The following SPAG6 variants were observed in gnomAD, a reference collection of about 807,000 sequenced individuals.
SPAG6 encodes the protein sperm associated antigen 6, also known as sperm-associated antigen 6.
In SPAG6, 49 loss-of-function variants were observed where a neutral mutation model predicts 58.5. The ratio of observed to expected loss-of-function variants is 0.84; its 90% confidence interval spans 0.67 to 1.06. The LOEUF is 1.06. Among genes scored for constraint, SPAG6 ranks in the 50% least tolerant of loss-of-function variants. The pLI, the probability that SPAG6 is intolerant of heterozygous loss-of-function variation, is 0.00. For missense variants in SPAG6, 560 were observed against 611.3 expected (o/e 0.92, Z 0.89); for synonymous variants, 233 against 225.6 (o/e 1.03, Z -0.29).
chr10:22,395,352 A>G (rs1016838159), intron 8 of SPAG6, among the ~76,000 whole-genome samples: 1 of 152,180 alleles, frequency 6.6e-6, no homozygotes, highest in Non-Finnish European at 1.5e-5. Context: ...CCAGCAAGGT[A>G]TGATGGTTCC....
At chr10:22,359,874 CGTT>C (rs1836986291) in intron 2 of SPAG6, among the ~76,000 whole-genome samples, 1 of 151,902 alleles carries the variant, frequency 6.6e-6, no homozygotes, top group African/African-American at 2.4e-5. Flanking sequence ...CATAGGTAAA[CGTT>C]GTTGGGGGGG....
rs141733555 is a variant in SPAG6 at position 22,391,580 on chromosome 10, G to A, written c.1006-149G>A. The A allele has an allele frequency of 2.6e-4, 158 of 609,286 alleles. No individual in the cohort carries two copies. In the African/African-American group the frequency reaches 2.7e-3, roughly 10 times the overall value. 37.7% of individuals were successfully genotyped at this position (609,286 alleles called of 1,614,324 possible). The stretch of plus-strand genomic sequence containing the variant: ...TAGTCATGTTATTGACTTAAGAAAT[G>A]ACAGCCCCTGTGATGTGCTCATTTA... On this transcript the variant is annotated intron_variant, in intron 7 of 10. Coordinates refer to ENST00000376624, the MANE Select transcript of SPAG6 (RefSeq NM_012443.4).
At chr10:22,346,658 C>T (rs1428804833) in intron 2 of SPAG6, among the ~76,000 whole-genome samples, 1 of 151,842 alleles carries the variant, frequency 6.6e-6, no homozygotes, top group South Asian at 2.1e-4. Context: ...TTAAAACTAA[C>T]ACATAATTTA....
chr10:22,365,055 G>A, intron 3 of SPAG6, 36 bp downstream of exon 3: 1 of 1,484,882 alleles, frequency 6.7e-7, no homozygotes, highest in Non-Finnish European at 9.1e-7. Context: ...ATGTTTTTTT[G>A]TTTTAGATTT....
At chr10:22,381,004 A>G (rs1833940976) in intron 4 of SPAG6, among the ~76,000 whole-genome samples, 1 of 152,040 alleles carries the variant, frequency 6.6e-6, no homozygotes, top group South Asian at 2.1e-4. Flanking sequence ...CATCTCCACT[A>G]TGAGCTGAAA....
At position 22,368,593 on chromosome 10, in the gene SPAG6, G is replaced by A. The variant is rs761679699; in HGVS notation, c.387G>A (p.Thr129=). 9.3e-6 allele frequency: 15 copies of A among 1,613,794 alleles called. No homozygotes were observed. In the South Asian group the frequency reaches 1.3e-4, roughly 14 times the overall value. ...TAGTCGATTGTGGAGCACTGGATAC[G>A]CTGGTCATATGCTTGGAAGATTTTG... The part of the protein sequence containing the change: ...QAIVDCGALD[T]LVICLEDFDP... The change falls in exon 4 of 11, where the codon ACG becomes ACA. Residue 129 remains threonine, a synonymous_variant. Coordinates refer to ENST00000376624, the MANE Select transcript of SPAG6 (RefSeq NM_012443.4).
intron 2 of SPAG6, among the ~76,000 whole-genome samples, chr10:22,357,449 G>C (rs1275855370): frequency 6.6e-6 from 1 of 152,014 alleles, no homozygotes; most frequent in Non-Finnish European, 1.5e-5. Flanking sequence ...GGCAAAAAAA[G>C]CCTCTAACTA....
chr10:22,378,934 A>C (rs527688873), intron 4 of SPAG6, among the ~76,000 whole-genome samples: 2 of 152,236 alleles, frequency 1.3e-5, no homozygotes, highest in East Asian at 3.9e-4. Context: ...TGACTTTTTA[A>C]AGGAGCCAGA....
At position 22,388,079 on chromosome 10, in the gene SPAG6, A is replaced by G. The variant is rs1834109062; in HGVS notation, c.852+83A>G. 3 of 1,126,892 alleles carry G rather than the reference A, an allele frequency of 2.7e-6. No individual in the cohort carries two copies. In the South Asian group the frequency reaches 4.9e-5, roughly 18 times the overall value. 69.8% of individuals were successfully genotyped at this position (1,126,892 alleles called of 1,614,324 possible). A position where few individuals can be genotyped will look rare whatever the true frequency, so the allele number is the denominator to read the frequency against. On this transcript the variant is annotated intron_variant, in intron 6 of 10. Transcript: ENST00000376624. ...AAACATCAATTTGTTTATAGGGCCT[A>G]GGGGTTGTGGCACATGATCTAGTTG...
chr10:22,417,046 A>G lies in SPAG6; in HGVS notation c.*358A>G. The G allele has an allele frequency of 5.7e-6, 1 of 176,142 alleles. No individual in the cohort carries two copies. The highest frequency in any genetic ancestry group is 1.2e-5 in the Non-Finnish European group (1 of 81,658). 10.9% of individuals were successfully genotyped at this position (176,142 alleles called of 1,614,324 possible). On this transcript the variant is annotated 3_prime_UTR_variant, in exon 11 of 11. Coordinates refer to ENST00000376624, the MANE Select transcript of SPAG6 (RefSeq NM_012443.4). ...CAAAAACCCTAAATTATTCTAGCCA[A>G]TTTGTCATAGGCATAGGCAAGGAAA...
chr10:22,360,324 T>G (rs994931571), intron 2 of SPAG6, among the ~76,000 whole-genome samples: 24 of 151,756 alleles, frequency 1.6e-4, no homozygotes, highest in Non-Finnish European at 2.4e-4. Context: ...TTGTTTGTTT[T>G]TTTTTTTCAT....
At chr10:22,412,673 G>A in intron 10 of SPAG6, 1 of 498,050 alleles carries the variant, frequency 2.0e-6, no homozygotes, top group Non-Finnish European at 3.5e-6. Context: ...CCGGGTTCAA[G>A]CTATTCTCCT....
Position 22,368,496 on chromosome 10 carries a change from G to T in SPAG6, c.290G>T (p.Arg97Leu), listed in dbSNP as rs751414200. The T allele has an allele frequency of 6.2e-7, 1 of 1,612,370 alleles. No homozygotes were observed. The highest frequency in any genetic ancestry group is 1.1e-5 in the South Asian group (1 of 90,814). ...GTTTTGTCTGTTTGACCCTTGTAGC[G>T]CTTCTACAAGAAAGCAGCTGCCTTT... is the stretch of plus-strand genomic sequence containing the variant. Reference protein sequence around the residue: ...QLVYSLAEQNRFYKKAAAFVL... With the variant: ...QLVYSLAEQNLFYKKAAAFVL... Residue 97 changes from arginine (R) to leucine (L), a missense_variant and splice_region_variant, in exon 4 of 11, where the codon CGC becomes CTC. By Grantham distance (102) the Arg-to-Leu change is moderately radical (BLOSUM62 -2). Transcript: ENST00000376624.
chr10:22,369,462 G>A (rs1227855245), intron 4 of SPAG6, among the ~76,000 whole-genome samples: 3 of 152,166 alleles, frequency 2.0e-5, no homozygotes, highest in Non-Finnish European at 4.4e-5. Context: ...AATTCTATAC[G>A]AAAACATCAA....
intron 7 of SPAG6, among the ~76,000 whole-genome samples, chr10:22,391,103 C>T (rs1834173815): frequency 6.6e-6 from 1 of 152,120 alleles, no homozygotes; most frequent in Non-Finnish European, 1.5e-5. Flanking sequence ...GCATAAGATG[C>T]AAAATGTAAG....
In SPAG6 at chr10:22,410,798, T is replaced by G. The variant is rs182466674; in HGVS notation, c.1315-233T>G. ...TATATTTTACATCTGTGAGTGGATC[T>G]CCATTGCCTTTGCCCATGTTCATTG... On this transcript the variant is annotated intron_variant, in intron 9 of 10. Coordinates refer to ENST00000376624, the MANE Select transcript of SPAG6 (RefSeq NM_012443.4). Among the ~76,000 whole-genome samples, 83 of 152,360 alleles carry G rather than the reference T, an allele frequency of 5.4e-4. 3 individuals are homozygous for G. The highest frequency in any genetic ancestry group is 4.9e-3 in the Admixed American group (75 of 15,302).
chr10:22,391,797 G>A lies in SPAG6; in HGVS notation c.1074G>A (p.Trp358Ter). 1 of 1,613,464 alleles carries A rather than the reference G, an allele frequency of 6.2e-7. No homozygotes were observed. Among genetic ancestry groups the A allele is most frequent in the Non-Finnish European group, 8.5e-7 (1 of 1,179,698 alleles). Residue 358 changes from tryptophan (W) to a stop codon, truncating the protein, a stop_gained, in exon 8 of 11, where the codon TGG (tryptophan) becomes TGA (stop). Coordinates refer to ENST00000376624, the MANE Select transcript of SPAG6 (RefSeq NM_012443.4). LOFTEE classifies it high-confidence loss of function. The stretch of plus-strand genomic sequence containing the variant: ...ATCATATTAAGGCTGCAGCTGCTTG[G>A]GCCTTAGGACAGATTGGAAGACACA... ...PEDHIKAAAA[W>*]ALGQIGRHTP...
At position 22,389,154 on chromosome 10, in the gene SPAG6, G is replaced by T. The variant is rs200763963; in HGVS notation, c.853-6G>T. ...TGGTGATCTAACTCTTGTTCCCATCGCTTAGCTTTCACAGCTGGTAGTTAA... is the reference window on the plus strand; with the variant it reads ...TGGTGATCTAACTCTTGTTCCCATCTCTTAGCTTTCACAGCTGGTAGTTAA... On this transcript the variant is annotated splice_polypyrimidine_tract_variant and splice_region_variant and intron_variant, in intron 6 of 10. Coordinates refer to ENST00000376624, the MANE Select transcript of SPAG6 (RefSeq NM_012443.4). 2.5e-6 allele frequency: 4 copies of T among 1,612,358 alleles called. No homozygotes were observed. The South Asian group carries it at 3.3e-5, about 13-fold the overall frequency.
At position 22,416,710 on chromosome 10, in the gene SPAG6, C is replaced by CA; in HGVS notation, c.*25dup. ...CTGAGCAAAGTTATATTGTGATACT[C>CA]AAATTCACAGCAGAGTAGTTTTGAG... On this transcript the variant is annotated 3_prime_UTR_variant, in exon 11 of 11. Coordinates refer to ENST00000376624, the MANE Select transcript of SPAG6 (RefSeq NM_012443.4). The CA allele has an allele frequency of 2.1e-6, 3 of 1,449,216 alleles. No homozygotes were observed. The highest frequency in any genetic ancestry group is 2.9e-6 in the Non-Finnish European group (3 of 1,031,972). The allele number at this position is 1,449,216 out of a possible 1,614,324, so 89.8% of individuals were successfully genotyped here.
Sources: allele counts gnomAD v4.1 joint callset (sites outside exome capture counted in the v4.1 genomes callset), GRCh38; gene constraint gnomAD v4.1.1; transcripts MANE v1.5; gene names NCBI Gene and HGNC (gene_info 2026-07-23, HGNC 2026-07-21).